MCTP1: variants seen among roughly 807,000 people sequenced by gnomAD.
MCTP1 encodes multiple C2 and transmembrane domain-containing protein 1.
Under a neutral mutation model 120.6 loss-of-function variants are expected in MCTP1, and 69 were observed. That is an observed-to-expected ratio of 0.57 (90% CI 0.47 to 0.70). The LOEUF (loss-of-function observed/expected upper bound fraction) is 0.70, where lower values mean the gene tolerates loss of function less well. Among genes scored for constraint, MCTP1 ranks in the 30% least tolerant of loss-of-function variants. MCTP1 has a pLI of 0.00. For synonymous variants in MCTP1, 529 were observed against 493.1 expected (o/e 1.07, Z -0.96); for missense variants, 1,203 against 1,248.8 (o/e 0.96, Z 0.55).
chr5:95,140,412 G>A (rs556306033), intron 1 of MCTP1, among the ~76,000 whole-genome samples: 35 of 152,112 alleles, frequency 2.3e-4, no homozygotes, highest in Admixed American at 1.1e-3. Context: ...AGGACAGAAG[G>A]CATTTTCATC....
intron 19 of MCTP1, among the ~76,000 whole-genome samples, chr5:94,773,633 C>T (rs1395137157): frequency 2.6e-5 from 4 of 152,240 alleles, no homozygotes; most frequent in Non-Finnish European, 5.9e-5. Flanking sequence ...GTTGAATTGA[C>T]TCACAATTCC....
At chr5:95,222,882 G>T (rs1469395025) in intron 1 of MCTP1, among the ~76,000 whole-genome samples, 1 of 152,202 alleles carries the variant, frequency 6.6e-6, no homozygotes, top group Non-Finnish European at 1.5e-5. Flanking sequence ...GTAAAGAATT[G>T]GATCACTTGA....
chr5:95,050,757 G>C (rs1562077818), intron 1 of MCTP1, among the ~76,000 whole-genome samples: 1 of 152,266 alleles, frequency 6.6e-6, no homozygotes, highest in East Asian at 1.9e-4. Context: ...AAACCAGTGT[G>C]GAAGTTCTAA....
At chr5:95,219,108 G>A (rs923483234) in intron 1 of MCTP1, among the ~76,000 whole-genome samples, 1 of 152,052 alleles carries the variant, frequency 6.6e-6, no homozygotes, top group African/African-American at 2.4e-5. Flanking sequence ...AAGGCCAGGC[G>A]CAGTGGCTCA....
intron 1 of MCTP1, among the ~76,000 whole-genome samples, chr5:95,270,646 C>T (rs1428146471): frequency 2.6e-5 from 4 of 151,994 alleles, no homozygotes; most frequent in Non-Finnish European, 5.9e-5. Context: ...AGATAGACTG[C>T]GGGCCGGGCA....
intron 9 of MCTP1, among the ~76,000 whole-genome samples, chr5:94,911,068 A>G (rs985472361): frequency 3.9e-5 from 6 of 152,118 alleles, no homozygotes; most frequent in African/African-American, 1.4e-4. Context: ...TGCTAGCAAT[A>G]CTCACTGCCT....
At chr5:94,842,990 T>A (rs1242031296) in intron 17 of MCTP1, among the ~76,000 whole-genome samples, 4 of 152,128 alleles carry the variant, frequency 2.6e-5, no homozygotes, top group Non-Finnish European at 5.9e-5. Flanking sequence ...TTAAAAACAA[T>A]GAGAAAACAT....
At chr5:94,772,733 T>C (rs896531513) in intron 19 of MCTP1, among the ~76,000 whole-genome samples, 4 of 152,178 alleles carry the variant, frequency 2.6e-5, no homozygotes, top group African/African-American at 9.7e-5. Context: ...GTGAAAGGTA[T>C]ATTCCCTTAT....
chr5:94,750,884 G>A (rs1475415907), intron 19 of MCTP1, among the ~76,000 whole-genome samples: 1 of 152,172 alleles, frequency 6.6e-6, no homozygotes, highest in Non-Finnish European at 1.5e-5. Flanking sequence ...CATCGATGCT[G>A]CCAGCTAGCA....
chr5:94,766,271 C>T (rs920965048), intron 19 of MCTP1, among the ~76,000 whole-genome samples: 3 of 152,120 alleles, frequency 2.0e-5, no homozygotes, highest in Non-Finnish European at 4.4e-5. Flanking sequence ...TTGGAAACAA[C>T]CCAAATGTCC....
At chr5:95,269,956 C>T (rs905288373) in intron 1 of MCTP1, among the ~76,000 whole-genome samples, 9 of 152,100 alleles carry the variant, frequency 5.9e-5, no homozygotes, top group African/African-American at 7.2e-5. Context: ...AGATATATTT[C>T]GTTTATTTCC....
chr5:95,184,069 G>C (rs1339251663), intron 1 of MCTP1, among the ~76,000 whole-genome samples: 1 of 152,056 alleles, frequency 6.6e-6, no homozygotes, highest in Non-Finnish European at 1.5e-5. Context: ...TGATGGGTTG[G>C]TGGGTGCAGC....
intron 19 of MCTP1, among the ~76,000 whole-genome samples, chr5:94,755,820 G>A (rs577322294): frequency 6.6e-6 from 1 of 152,134 alleles, no homozygotes; most frequent in Admixed American, 6.5e-5. Flanking sequence ...TCTCTAATGG[G>A]TAATTCTCAA....
At chr5:94,997,635 C>T (rs1268928792) in intron 2 of MCTP1, among the ~76,000 whole-genome samples, 2 of 152,134 alleles carry the variant, frequency 1.3e-5, no homozygotes, top group African/African-American at 2.4e-5. Flanking sequence ...TCTTTCTGCC[C>T]CTGTACTACC....
At chr5:94,884,843 G>C (rs1467730235) in intron 12 of MCTP1, among the ~76,000 whole-genome samples, 1 of 152,076 alleles carries the variant, frequency 6.6e-6, no homozygotes, top group African/African-American at 2.4e-5. Context: ...CTGCTGTTTT[G>C]TTACTTAAAT....
At chr5:95,269,785 C>G (rs1759212806) in intron 1 of MCTP1, among the ~76,000 whole-genome samples, 1 of 152,168 alleles carries the variant, frequency 6.6e-6, no homozygotes, top group Non-Finnish European at 1.5e-5. Flanking sequence ...TGGACAAAAC[C>G]AGGACTGCCG....
intron 1 of MCTP1, among the ~76,000 whole-genome samples, chr5:95,263,216 G>A (rs778871172): frequency 2.6e-5 from 4 of 152,194 alleles, no homozygotes; most frequent in Non-Finnish European, 5.9e-5. Context: ...TGTACTTCTA[G>A]CAGCTCCAGC....
At chr5:94,935,734 T>C (rs931888229) in intron 5 of MCTP1, among the ~76,000 whole-genome samples, 4 of 152,098 alleles carry the variant, frequency 2.6e-5, no homozygotes, top group African/African-American at 7.2e-5. Flanking sequence ...CCTGTAATTT[T>C]GCTCTGTGAG....
chr5:95,108,035 C>T (rs1436389368), intron 1 of MCTP1, among the ~76,000 whole-genome samples: 1 of 152,054 alleles, frequency 6.6e-6, no homozygotes, highest in African/African-American at 2.4e-5. Context: ...GTTTAGTTTC[C>T]AATAATGTGG....
Sources: allele counts gnomAD v4.1 joint callset (sites outside exome capture counted in the v4.1 genomes callset), GRCh38; gene constraint gnomAD v4.1.1; transcripts MANE v1.5; gene names NCBI Gene and HGNC (gene_info 2026-07-23, HGNC 2026-07-21).